CDC14B: variants seen among roughly 807,000 people sequenced by gnomAD.
CDC14B encodes the protein cell division cycle 14B.
In CDC14B, 22 loss-of-function variants were observed where a neutral mutation model predicts 64.2. The ratio of observed to expected loss-of-function variants is 0.34; its 90% CI spans 0.24 to 0.49. The LOEUF (loss-of-function observed/expected upper bound fraction) is 0.49. CDC14B is among the 20% of genes least tolerant of loss of function. CDC14B has a pLI of 0.99. For synonymous variants in CDC14B, 191 were observed against 215.8 expected, an observed-to-expected ratio of 0.89 and a Z score of 1.01; for missense variants, 498 against 629.9, an observed-to-expected ratio of 0.79 and a Z score of 2.24.
intron 5 of CDC14B, among the ~76,000 whole-genome samples, chr9:96,545,024 C>T (rs188374146): frequency 3.3e-5 from 5 of 152,190 alleles, no homozygotes; most frequent in Non-Finnish European, 7.3e-5. Context: ...AGGGCTACCC[C>T]ACATCTACTG....
chr9:96,503,805 A>G lies in CDC14B; in HGVS notation c.1461-16T>C, dbSNP rs755887966. 1 of 1,610,508 alleles carries G rather than the reference A, an allele frequency of 6.2e-7. No individual in the cohort carries two copies. Among genetic ancestry groups the G allele is most frequent in the East Asian group, 2.2e-5 (1 of 44,868 alleles). ...AATGGAGAGACTACAGGGGGAAAAA[A>G]AAGGATTTTTACCAGAAAGTTTACA... On this transcript the variant is annotated splice_polypyrimidine_tract_variant and intron_variant, in intron 13 of 13. Coordinates refer to ENST00000375241, the MANE Select transcript of CDC14B (RefSeq NM_033331.4).
intron 13 of CDC14B, among the ~76,000 whole-genome samples, chr9:96,508,312 G>A (rs558618658): frequency 2.0e-5 from 3 of 152,276 alleles, no homozygotes; most frequent in African/African-American, 4.8e-5. Flanking sequence ...CACCGCACCC[G>A]GCCCATACTT....
chr9:96,505,235 C>G (rs1243142343), intron 13 of CDC14B, among the ~76,000 whole-genome samples: 1 of 151,632 alleles, frequency 6.6e-6, no homozygotes, highest in Non-Finnish European at 1.5e-5. Flanking sequence ...TTTCTCTCCC[C>G]AGCCCCCACA....
rs568510744 is a variant in CDC14B, at chr9:96,573,648, A to C, written c.161-8165T>G. Among the ~76,000 whole-genome samples, 23 of 152,312 alleles carry C rather than the reference A, an allele frequency of 1.5e-4. No homozygotes were observed. In the South Asian group the frequency reaches 4.4e-3, roughly 29 times the overall value. The stretch of plus-strand genomic sequence containing the variant: ...CATGTAAATTACATGCTAATAAAGG[A>C]ATTAAATGTAATAAATTTACATGTT... On this transcript the variant is annotated intron_variant, in intron 1 of 13. Transcript: ENST00000375241.
intron 6 of CDC14B, 74 bp from the exon 7 acceptor site, chr9:96,539,214 C>G (rs1839708119): frequency 9.4e-7 from 1 of 1,069,514 alleles, no homozygotes; most frequent in Non-Finnish European, 1.4e-6. Context: ...TTTCAGAATA[C>G]TAAATATCAG....
intron 1 of CDC14B, among the ~76,000 whole-genome samples, chr9:96,599,501 T>C (rs946797977): frequency 6.6e-6 from 1 of 152,162 alleles, no homozygotes; most frequent in African/African-American, 2.4e-5. Context: ...ATGGAGCACA[T>C]GCTATCTCTC....
chr9:96,615,599 A>G (rs1465005735), intron 1 of CDC14B, among the ~76,000 whole-genome samples: 1 of 152,238 alleles, frequency 6.6e-6, no homozygotes, highest in East Asian at 1.9e-4. Flanking sequence ...TGTCAATCCA[A>G]TATTAAGTGC....
At position 96,619,324 on chromosome 9, in the gene CDC14B, G is replaced by A; in HGVS notation, c.55C>T (p.Arg19Trp). The A allele has an allele frequency of 1.5e-6, 2 of 1,290,764 alleles. No individual in the cohort carries two copies. The highest frequency in any genetic ancestry group is 2.9e-5 in the East Asian group (1 of 33,906). 80.0% of individuals were successfully genotyped at this position (1,290,764 alleles called of 1,614,324 possible). A position where few individuals can be genotyped will look rare whatever the true frequency, so the allele number is the denominator to read the frequency against. ...SSWAAAPPCS[R>W]RCSSTSPGVK... ...CCCGGCGAGGTCGACGAGCAGCGCC[G>A]CGAGCAGGGGGGCGCGGCGGCCCAG... is the stretch of plus-strand genomic sequence containing the variant. The change falls in exon 1 of 14, where the codon CGG becomes TGG. Residue 19 changes from arginine to tryptophan, a missense_variant. Transcript: ENST00000375241.
chr9:96,583,081 T>TA (rs1195212849), intron 1 of CDC14B, among the ~76,000 whole-genome samples: 1 of 152,196 alleles, frequency 6.6e-6, no homozygotes, highest in African/African-American at 2.4e-5. Context: ...GCTCTTCTGT[T>TA]ACGCATACCT....
intron 13 of CDC14B, among the ~76,000 whole-genome samples, chr9:96,507,052 G>T (rs899858225): frequency 6.6e-5 from 10 of 152,184 alleles, no homozygotes; most frequent in Non-Finnish European, 1.3e-4. Context: ...CCAGCACTTT[G>T]GGGGGCTGAG....
At chr9:96,532,386 T>C (rs1838623334) in intron 9 of CDC14B, among the ~76,000 whole-genome samples, 1 of 152,224 alleles carries the variant, frequency 6.6e-6, no homozygotes, top group Non-Finnish European at 1.5e-5. Flanking sequence ...ATGTGGTAGG[T>C]CACTTCTCTC....
At chr9:96,509,817 T>C in intron 12 of CDC14B, 28 bp from the exon 13 acceptor site, 1 of 1,379,596 alleles carries the variant, frequency 7.2e-7, no homozygotes, top group South Asian at 1.2e-5. Flanking sequence ...AAAATAAGAT[T>C]ATATTCACTG....
At chr9:96,534,302 A>G (rs1838963193) in intron 8 of CDC14B, 145 bp from the exon 9 acceptor site, 5 of 778,874 alleles carry the variant, frequency 6.4e-6, no homozygotes, top group Non-Finnish European at 1.0e-5. Flanking sequence ...AAGAAAAGAA[A>G]GTTAAAATCC....
At chr9:96,566,809 C>CG in intron 1 of CDC14B, 1 of 1,606,198 alleles carries the variant, frequency 6.2e-7, no homozygotes. Context: ...CGCGCCCTCC[C>CG]GGCTCATGAC....
chr9:96,515,203 G>C lies in CDC14B; in HGVS notation c.1344-5414C>G, dbSNP rs1261724425. On this transcript the variant is annotated intron_variant, in intron 12 of 13. Transcript: ENST00000375241. This position sits in a 1 kb window ranked among gnomAD's most constrained non-coding sequence, Gnocchi z 4.3. ...CAAAATCACATATTTAATGAAAGTA[G>C]ATCAGTGGGAAAAATGCTTCTTTGC... is the stretch of plus-strand genomic sequence containing the variant. Among the ~76,000 whole-genome samples, 2 of 152,166 alleles carry C rather than the reference G, an allele frequency of 1.3e-5. No homozygotes were observed. The highest frequency in any genetic ancestry group is 1.9e-4 in the East Asian group (1 of 5,202).
intron 1 of CDC14B, among the ~76,000 whole-genome samples, chr9:96,599,635 A>C (rs1282293956): frequency 6.6e-6 from 1 of 152,240 alleles, no homozygotes; most frequent in Non-Finnish European, 1.5e-5. Context: ...ATAATTCACA[A>C]TGATGTTAGC....
downstream of CDC14B, among the ~76,000 whole-genome samples, chr9:96,495,967 A>T (rs16910960): frequency 9.8e-5 from 15 of 152,286 alleles, no homozygotes; most frequent in Non-Finnish European, 1.9e-4. Flanking sequence ...GCCTTCAAAA[A>T]TTTGGTGCGA....
At chr9:96,577,830 T>C (rs1197555359) in intron 1 of CDC14B, among the ~76,000 whole-genome samples, 1 of 152,188 alleles carries the variant, frequency 6.6e-6, no homozygotes, top group Non-Finnish European at 1.5e-5. Context: ...AAGGTATTTT[T>C]TAAAAGCTCA....
chr9:96,553,010 C>G (rs1030696270), intron 4 of CDC14B, among the ~76,000 whole-genome samples: 1 of 152,162 alleles, frequency 6.6e-6, no homozygotes, highest in African/African-American at 2.4e-5. Context: ...TTTCCACAAC[C>G]AAATGTGAAG....
Sources: gnomAD v4.1 joint callset for allele counts (sites outside exome capture counted in the v4.1 genomes callset) on GRCh38, gnomAD v4.1.1 for gene constraint, Gnocchi (gnomAD v3.1) non-coding constraint, MANE v1.5 for transcripts, NCBI Gene and HGNC (gene_info 2026-07-23, HGNC 2026-07-21) for gene names.